The following EFHB variants were observed in gnomAD, a reference collection of about 807,000 sequenced individuals.
The protein encoded by EFHB is EF-hand domain family member B.
A neutral mutation model predicts 87.2 loss-of-function variants in EFHB; 91 were observed. The observed-to-expected ratio is 1.04, with a 90% CI of 0.88 to 1.24. The LOEUF (loss-of-function observed/expected upper bound fraction) is 1.24, where lower values mean the gene tolerates loss of function less well. EFHB is among the 50% of genes most tolerant of loss of function. EFHB has a pLI of 0.00. For missense variants in EFHB, 1,084 were observed against 998.8 expected, an observed-to-expected ratio of 1.09 and a Z score of -1.15; for synonymous variants, 325 against 333.6, an observed-to-expected ratio of 0.97 and a Z score of 0.28.
intron 1 of EFHB, among the ~76,000 whole-genome samples, chr3:19,946,564 G>A (rs1360331233): frequency 1.3e-5 from 2 of 152,156 alleles, no homozygotes; most frequent in Non-Finnish European, 2.9e-5. Flanking sequence ...TTATTGTCAG[G>A]CGCCTAAAGG....
intron 8 of EFHB, 65 bp downstream of exon 8, chr3:19,898,713 T>C: frequency 6.6e-7 from 1 of 1,507,830 alleles, no homozygotes; most frequent in South Asian, 1.1e-5. Flanking sequence ...CTTAACTGCA[T>C]AACTTTGTGG....
intron 1 of EFHB, among the ~76,000 whole-genome samples, chr3:19,923,348 A>C (rs2125155748): frequency 6.6e-6 from 1 of 151,832 alleles, no homozygotes; most frequent in African/African-American, 2.4e-5. Flanking sequence ...GTAGTACCTA[A>C]TGTTTCATTT....
chr3:19,906,984 G>C (rs1458076021), intron 5 of EFHB, among the ~76,000 whole-genome samples: 1 of 151,538 alleles, frequency 6.6e-6, no homozygotes, highest in Non-Finnish European at 1.5e-5. Flanking sequence ...TTCAATAAAT[G>C]GTCCTGGGAA....
chr3:19,882,415 G>T, intron 12 of EFHB, 135 bp downstream of exon 12: 3 of 805,360 alleles, frequency 3.7e-6, no homozygotes, highest in Non-Finnish European at 5.3e-6. Context: ...CCAAGTTGAG[G>T]ATTATTCATC....
chr3:19,927,891 A>G (rs1695685864), intron 1 of EFHB, among the ~76,000 whole-genome samples: 1 of 151,136 alleles, frequency 6.6e-6, no homozygotes, highest in Non-Finnish European at 1.5e-5. Context: ...GCTTACAAGA[A>G]GTAAATAATA....
chr3:19,923,099 C>G (rs768596845), intron 1 of EFHB, among the ~76,000 whole-genome samples: 3 of 151,870 alleles, frequency 2.0e-5, no homozygotes, highest in Non-Finnish European at 4.4e-5. Context: ...AACCCCGTTG[C>G]TACAAAAAAA....
chr3:19,902,877 G>A (rs972538365), intron 6 of EFHB, among the ~76,000 whole-genome samples: 1 of 151,826 alleles, frequency 6.6e-6, no homozygotes, highest in Non-Finnish European at 1.5e-5. Flanking sequence ...TTCCAATTAA[G>A]TTTCAAAATA....
intron 1 of EFHB, among the ~76,000 whole-genome samples, chr3:19,921,529 GA>G (rs1695435868): frequency 6.6e-6 from 1 of 152,076 alleles, no homozygotes; most frequent in Non-Finnish European, 1.5e-5. Context: ...TCAAGGAGAT[GA>G]CAAATAAATT....
chr3:19,927,359 C>G (rs959103014), intron 1 of EFHB, among the ~76,000 whole-genome samples: 2 of 152,162 alleles, frequency 1.3e-5, no homozygotes, highest in African/African-American at 4.8e-5. Flanking sequence ...TCACAAGAAT[C>G]TTTTTGATTG....
At chr3:19,909,025 C>A (rs1297410910) in intron 5 of EFHB, among the ~76,000 whole-genome samples, 1 of 147,430 alleles carries the variant, frequency 6.8e-6, no homozygotes, top group African/African-American at 2.5e-5. Context: ...GTGTCCCAGA[C>A]CCACACCCGC....
At chr3:19,933,187 C>G in intron 1 of EFHB, 43 bp downstream of exon 1, 3 of 1,563,740 alleles carry the variant, frequency 1.9e-6, no homozygotes, top group Non-Finnish European at 2.6e-6. Flanking sequence ...AAAGACATGG[C>G]TATACACAGT....
At position 19,933,586 on chromosome 3, in the gene EFHB, C is replaced by A. The variant is rs752761098; in HGVS notation, c.433G>T (p.Ala145Ser). 4.6e-5 allele frequency: 75 copies of A among 1,613,912 alleles called. No homozygotes were observed. Among genetic ancestry groups the A allele is most frequent in the Non-Finnish European group, 5.9e-6 (7 of 1,179,904 alleles). Residue 145 changes from alanine to serine, a missense_variant, in exon 1 of 13, where the codon GCT (alanine) becomes TCT (serine). Ala to Ser is a moderately conservative substitution (Grantham distance 99). Coordinates refer to ENST00000295824, the MANE Select transcript of EFHB (RefSeq NM_144715.4). ...CCTTCAGGGCCACTAGCCAAAGGAG[C>A]TCTCCTGCTCCCTGCAGCCTGTGAA... ...GSSQAAGSRR[A>S]PLASGPEGVE...
At chr3:19,909,145 G>GA (rs556519761) in intron 5 of EFHB, among the ~76,000 whole-genome samples, 5 of 141,094 alleles carry the variant, frequency 3.5e-5, no homozygotes, top group Non-Finnish European at 3.1e-5. Context: ...TCATAGCACT[G>GA]AAAAAAAAAA....
At chr3:19,889,473 A>G (rs1330543455) in intron 9 of EFHB, among the ~76,000 whole-genome samples, 1 of 152,212 alleles carries the variant, frequency 6.6e-6, no homozygotes, top group Non-Finnish European at 1.5e-5. Flanking sequence ...CTGAGAGGAA[A>G]TAACTCCCAA....
intron 12 of EFHB, among the ~76,000 whole-genome samples, chr3:19,882,078 G>A (rs149807707): frequency 7.0e-6 from 1 of 142,522 alleles, no homozygotes; most frequent in East Asian, 1.9e-4. Flanking sequence ...TAAGACAGAT[G>A]TATTACCTTA....
At chr3:19,934,265 C>G, upstream of EFHB, 2 of 1,402,730 alleles carry the variant, frequency 1.4e-6, no homozygotes, top group Non-Finnish European at 1.8e-6. Context: ...GCGCTCAAGT[C>G]CTGCTTGGAC....
At chr3:19,895,465 A>C (rs1301800045) in intron 9 of EFHB, among the ~76,000 whole-genome samples, 1 of 150,770 alleles carries the variant, frequency 6.6e-6, no homozygotes, top group Admixed American at 6.6e-5. Context: ...TGGGCGACAG[A>C]GCGAGACTCG....
At chr3:19,893,486 C>T (rs1005104291) in intron 9 of EFHB, among the ~76,000 whole-genome samples, 1 of 152,120 alleles carries the variant, frequency 6.6e-6, no homozygotes, top group Non-Finnish European at 1.5e-5. Context: ...AGAGAGAACA[C>T]TTTAGACCCA....
At chr3:19,920,038 G>A (rs993648823) in intron 2 of EFHB, 62 bp from the exon 3 acceptor site, 1 of 1,560,458 alleles carries the variant, frequency 6.4e-7, no homozygotes, top group African/African-American at 1.4e-5. Flanking sequence ...TAACAGGACT[G>A]ATCTATACCA....
Sources: gnomAD v4.1 joint callset for allele counts (sites outside exome capture counted in the v4.1 genomes callset) on GRCh38, gnomAD v4.1.1 for gene constraint, MANE v1.5 for transcripts, NCBI Gene and HGNC (gene_info 2026-07-23, HGNC 2026-07-21) for gene names.